The following COL19A1 variants were observed in gnomAD, a reference collection of about 807,000 sequenced individuals.
COL19A1 encodes the protein collagen alpha-1(XIX) chain.
COL19A1 carries 159 observed loss-of-function variants against 190.2 expected under a neutral mutation model. The ratio of observed to expected loss-of-function variants is 0.84; its 90% confidence interval spans 0.73 to 0.95. The LOEUF (loss-of-function observed/expected upper bound fraction) is 0.95. Ranked by LOEUF, COL19A1 falls within the 40% of genes least tolerant of loss-of-function variation. The probability of loss-of-function intolerance (pLI) is 0.00; values close to 1 mark genes in which losing one functional copy is unlikely to be tolerated. For synonymous variants in COL19A1, 509 were observed against 458.9 expected (o/e 1.11, Z -1.39); for missense variants, 1,418 against 1,431.9 (o/e 0.99, Z 0.16).
chr6:70,121,204 C>G (rs911612475), intron 16 of COL19A1, among the ~76,000 whole-genome samples: 10 of 152,238 alleles, frequency 6.6e-5, no homozygotes, highest in African/African-American at 9.6e-5. Flanking sequence ...AATGTAATCC[C>G]TGAAAAACCT....
At chr6:70,031,768 A>G (rs1291901382) in intron 12 of COL19A1, among the ~76,000 whole-genome samples, 1 of 152,098 alleles carries the variant, frequency 6.6e-6, no homozygotes, top group South Asian at 2.1e-4. Context: ...AACAAATGTC[A>G]CCACCACACA....
chr6:69,882,818 G>A (rs189465326), intron 2 of COL19A1, among the ~76,000 whole-genome samples: 3 of 152,216 alleles, frequency 2.0e-5, no homozygotes, highest in Admixed American at 2.0e-4. Context: ...CCAAAATGTG[G>A]CTTTTACTAG....
chr6:70,036,521 A>G (rs1327857845), intron 14 of COL19A1, among the ~76,000 whole-genome samples: 2 of 152,200 alleles, frequency 1.3e-5, no homozygotes, highest in Admixed American at 1.3e-4. Context: ...ATGGTACATC[A>G]TGTATTAAGC....
At chr6:70,002,758 T>C (rs1777342435) in intron 11 of COL19A1, among the ~76,000 whole-genome samples, 1 of 151,210 alleles carries the variant, frequency 6.6e-6, no homozygotes, top group Non-Finnish European at 1.5e-5. Context: ...TCTTCTCTCT[T>C]TTCTTCTTTA....
At chr6:69,990,914 T>TG (rs1466607872) in intron 11 of COL19A1, among the ~76,000 whole-genome samples, 1 of 152,006 alleles carries the variant, frequency 6.6e-6, no homozygotes, top group Non-Finnish European at 1.5e-5. Context: ...ATTTTAGGTT[T>TG]GGGGGGTACA....
chr6:70,202,592 A>AGG (rs1166811403), intron 49 of COL19A1, among the ~76,000 whole-genome samples: 2 of 152,214 alleles, frequency 1.3e-5, no homozygotes, highest in African/African-American at 4.8e-5. Context: ...AAAAGTATAA[A>AGG]GGGGTTTCAT....
intron 15 of COL19A1, among the ~76,000 whole-genome samples, chr6:70,071,971 G>C (rs1051625147): frequency 4.3e-4 from 66 of 152,144 alleles, no homozygotes; most frequent in African/African-American, 1.5e-3. Flanking sequence ...GAGGGCACTG[G>C]AAACAAAAAT....
At chr6:69,985,299 T>C (rs1162268497) in intron 11 of COL19A1, among the ~76,000 whole-genome samples, 2 of 152,188 alleles carry the variant, frequency 1.3e-5, no homozygotes, top group African/African-American at 4.8e-5. Context: ...GAGAATCAGT[T>C]GAAAATGACT....
chr6:69,873,965 C>T (rs1269266855), intron 1 of COL19A1, among the ~76,000 whole-genome samples: 1 of 152,184 alleles, frequency 6.6e-6, no homozygotes, highest in African/African-American at 2.4e-5. Context: ...TATAGCTTAA[C>T]TTTTATCTGG....
chr6:70,203,881 C>T (rs1447002303), intron 49 of COL19A1, among the ~76,000 whole-genome samples: 2 of 150,628 alleles, frequency 1.3e-5, no homozygotes, highest in African/African-American at 2.5e-5. Flanking sequence ...TTTTTTGAGC[C>T]GGATTTTCAC....
chr6:70,189,068 T>G (rs1239668686), intron 47 of COL19A1, among the ~76,000 whole-genome samples: 2 of 152,230 alleles, frequency 1.3e-5, no homozygotes, highest in Non-Finnish European at 2.9e-5. Flanking sequence ...AGTTCATTAA[T>G]GAAATAGAGC....
rs1030358455 is a variant in COL19A1, at chr6:70,209,001, GTTATT to G, written c.*1734_*1738del. 2.6e-5 allele frequency: 4 copies of G among 151,412 alleles called. No individual in the cohort carries two copies. The highest frequency in any genetic ancestry group is 1.3e-4 in the Admixed American group (2 of 15,184). 9.4% of individuals were successfully genotyped at this position (151,412 alleles called of 1,614,324 possible). On this transcript the variant is annotated 3_prime_UTR_variant, in exon 51 of 51. Coordinates refer to ENST00000620364, the MANE Select transcript of COL19A1 (RefSeq NM_001858.6). Reference sequence around the variant, plus strand: ...ATTCCAAGTTTATTTATTTTCCAAGGTTATTTTATTTATTGTAAGCATTTTGACAT... The same window carrying G: ...ATTCCAAGTTTATTTATTTTCCAAGGTTATTTATTGTAAGCATTTTGACAT...
chr6:70,196,838 C>A (rs997473831), intron 48 of COL19A1, among the ~76,000 whole-genome samples: 2 of 152,144 alleles, frequency 1.3e-5, no homozygotes, highest in Middle Eastern at 3.4e-3. Flanking sequence ...AGAATAAAGG[C>A]CTTTACAATT....
At position 70,055,520 on chromosome 6, in the gene COL19A1, G is replaced by A. The variant is rs544120768; in HGVS notation, c.1171-12903G>A. Among the ~76,000 whole-genome samples the A allele has an allele frequency of 1.2e-3, 182 of 152,144 alleles. 2 individuals carry two copies. The highest frequency in any genetic ancestry group is 4.2e-3 in the African/African-American group (175 of 41,520). On this transcript the variant is annotated intron_variant, in intron 14 of 50. Transcript: ENST00000620364. Reference sequence around the variant, plus strand: ...TTTTTGGCGTGGCCTGGTGGCTCATGCTTGTAATCCCAGCACCTTGGGGGG... The same window carrying A: ...TTTTTGGCGTGGCCTGGTGGCTCATACTTGTAATCCCAGCACCTTGGGGGG...
intron 48 of COL19A1, among the ~76,000 whole-genome samples, chr6:70,199,250 G>A (rs1767397213): frequency 1.3e-5 from 2 of 152,180 alleles, no homozygotes; most frequent in South Asian, 2.1e-4. Context: ...TTCCTGGAAA[G>A]TGCCTTAAAG....
intron 9 of COL19A1, among the ~76,000 whole-genome samples, chr6:69,940,042 G>C (rs995628423): frequency 4.6e-5 from 7 of 150,978 alleles, no homozygotes; most frequent in East Asian, 1.9e-4. Flanking sequence ...GAAATTTCAT[G>C]TGTTGCTTTT....
intron 1 of COL19A1, among the ~76,000 whole-genome samples, chr6:69,876,421 C>T (rs1768130506): frequency 6.6e-6 from 1 of 152,148 alleles, no homozygotes; most frequent in Admixed American, 6.5e-5. Context: ...TCAATATCAA[C>T]CTCAAGCTTA....
intron 44 of COL19A1, among the ~76,000 whole-genome samples, chr6:70,182,328 G>C (rs1342583876): frequency 6.6e-6 from 1 of 152,182 alleles, no homozygotes; most frequent in Non-Finnish European, 1.5e-5. Context: ...TGAGAGTGCT[G>C]CTGTTTGGTG....
chr6:69,915,926 C>G (rs1011281297), intron 4 of COL19A1, among the ~76,000 whole-genome samples: 4 of 148,994 alleles, frequency 2.7e-5, no homozygotes, highest in Non-Finnish European at 5.9e-5. Context: ...AAATTACACT[C>G]ATCTCATCTT....
Sources: allele counts gnomAD v4.1 joint callset (sites outside exome capture counted in the v4.1 genomes callset), GRCh38; gene constraint gnomAD v4.1.1; transcripts MANE v1.5; gene names NCBI Gene and HGNC (gene_info 2026-07-23, HGNC 2026-07-21).